The following PLEK2 variants were observed in gnomAD, a reference collection of about 807,000 sequenced individuals.
PLEK2 encodes pleckstrin 2, also known as pleckstrin-2.
Under a neutral mutation model 43.8 loss-of-function variants are expected in PLEK2, and 29 were observed. That is an observed-to-expected ratio of 0.66 (90% CI 0.49 to 0.90). The LOEUF is 0.90. Among genes scored for constraint, PLEK2 ranks in the 40% least tolerant of loss-of-function variants. The probability of loss-of-function intolerance (pLI) is 0.00; values close to 1 mark genes in which losing one functional copy is unlikely to be tolerated. For missense variants in PLEK2, 398 were observed against 448.1 expected (o/e 0.89, Z 1.01); for synonymous variants, 162 against 173.2 (o/e 0.94, Z 0.51).
chr14:67,403,446 G>A (rs941384360), intron 1 of PLEK2, among the ~76,000 whole-genome samples: 3 of 152,162 alleles, frequency 2.0e-5, no homozygotes, highest in Non-Finnish European at 4.4e-5. Flanking sequence ...TAGTACTGTG[G>A]GTGTTTTTGT....
At chr14:67,407,145 G>A (rs923202813) in intron 1 of PLEK2, among the ~76,000 whole-genome samples, 11 of 151,618 alleles carry the variant, frequency 7.3e-5, no homozygotes, top group South Asian at 2.1e-4. Context: ...TTTTTGAGAC[G>A]GAGTCTTGCA....
At chr14:67,396,677 C>T (rs1393520417) in intron 2 of PLEK2, among the ~76,000 whole-genome samples, 1 of 152,244 alleles carries the variant, frequency 6.6e-6, no homozygotes, top group Non-Finnish European at 1.5e-5. Context: ...TCTCCTTGTT[C>T]CATCTTTGCC....
At chr14:67,388,108 C>T in intron 8 of PLEK2, 116 bp downstream of exon 8, 2 of 670,940 alleles carry the variant, frequency 3.0e-6, no homozygotes, top group Non-Finnish European at 5.4e-6. Flanking sequence ...ACCACTCTGT[C>T]TCATGGAGAA....
At chr14:67,399,340 AGAG>A (rs1566628360) in intron 1 of PLEK2, among the ~76,000 whole-genome samples, 1 of 150,836 alleles carries the variant, frequency 6.6e-6, no homozygotes, top group Non-Finnish European at 1.5e-5. Flanking sequence ...GCAGGAATAA[AGAG>A]AAGGGTAGTT....
intron 5 of PLEK2, 50 bp downstream of exon 5, chr14:67,392,612 C>A: frequency 6.5e-7 from 1 of 1,536,606 alleles, no homozygotes; most frequent in South Asian, 1.2e-5. Context: ...TCTGTTGTGT[C>A]TTCCTTAACT....
In PLEK2 at chr14:67,393,166, A is replaced by G; in HGVS notation, c.465T>C (p.Tyr155=). The G allele has an allele frequency of 6.2e-7, 1 of 1,613,086 alleles. No individual in the cohort carries two copies. The highest frequency in any genetic ancestry group is 2.2e-5 in the East Asian group (1 of 44,870). The part of the protein sequence containing the change: ...SSPNMEQGST[Y]KKTFLGSSLV... ...CAGGCTCACCGAGGAAGGTCTTTTT[A>G]TAGGTGCTTCCCTGCTCCATGTTGG... The change falls in exon 4 of 9, where the codon TAT becomes TAC. Residue 155 remains tyrosine, a synonymous_variant. Coordinates refer to ENST00000216446, the MANE Select transcript of PLEK2 (RefSeq NM_016445.3).
intron 1 of PLEK2, among the ~76,000 whole-genome samples, chr14:67,399,139 A>T (rs192015670): frequency 6.2e-4 from 94 of 152,308 alleles, no homozygotes; most frequent in South Asian, 1.7e-3. Flanking sequence ...AGTGCTAAGG[A>T]CTCTGACAGT....
chr14:67,394,357 C>T (rs2085991010), intron 3 of PLEK2, among the ~76,000 whole-genome samples: 2 of 152,006 alleles, frequency 1.3e-5, no homozygotes, highest in African/African-American at 4.8e-5. Context: ...GATCGAGCCA[C>T]TGCACTCCAG....
intron 1 of PLEK2, 114 bp downstream of exon 1, chr14:67,411,904 T>A: frequency 1.0e-6 from 1 of 963,042 alleles, no homozygotes; most frequent in Non-Finnish European, 1.5e-6. Flanking sequence ...CCATGGGGGT[T>A]GGGGATGGGA....
intron 1 of PLEK2, among the ~76,000 whole-genome samples, chr14:67,398,856 CG>C (rs1367849551): frequency 1.3e-5 from 2 of 152,174 alleles, no homozygotes; most frequent in African/African-American, 4.8e-5. Context: ...CCACCATGCC[CG>C]GTCCCTGTTT....
intron 1 of PLEK2, among the ~76,000 whole-genome samples, chr14:67,402,260 A>G (rs1004610704): frequency 1.3e-5 from 2 of 152,194 alleles, no homozygotes; most frequent in Non-Finnish European, 2.9e-5. Context: ...GCATTGATGT[A>G]ATTTTTACTT....
chr14:67,391,569 C>G (rs181005521), intron 6 of PLEK2, among the ~76,000 whole-genome samples: 1 of 152,216 alleles, frequency 6.6e-6, no homozygotes, highest in African/African-American at 2.4e-5. Flanking sequence ...GCACATGCTC[C>G]GAGTAACGAT....
chr14:67,395,306 G>A (rs976799891), intron 3 of PLEK2, 96 bp downstream of exon 3: 3 of 1,056,300 alleles, frequency 2.8e-6, no homozygotes, highest in Middle Eastern at 3.1e-4. Flanking sequence ...GCCAGACTGT[G>A]CAGCAAGCAC....
intron 1 of PLEK2, among the ~76,000 whole-genome samples, chr14:67,408,088 A>G (rs1422885118): frequency 1.3e-5 from 2 of 152,068 alleles, no homozygotes; most frequent in Non-Finnish European, 2.9e-5. Context: ...GGAGTTCAAG[A>G]CCAGCCTGAC....
intron 7 of PLEK2, among the ~76,000 whole-genome samples, chr14:67,389,085 G>A (rs2085948429): frequency 6.6e-6 from 1 of 151,860 alleles, no homozygotes; most frequent in Non-Finnish European, 1.5e-5. Context: ...AACTGCGATT[G>A]GTGGTATCCC....
intron 2 of PLEK2, 108 bp downstream of exon 2, chr14:67,397,554 A>T: frequency 2.2e-6 from 2 of 927,192 alleles, no homozygotes; most frequent in Non-Finnish European, 3.1e-6. Context: ...CAAGTTTTTC[A>T]ATTCTAACTC....
chr14:67,396,457 G>A (rs1474435584), intron 2 of PLEK2, among the ~76,000 whole-genome samples: 3 of 151,636 alleles, frequency 2.0e-5, no homozygotes, highest in Admixed American at 2.0e-4. Flanking sequence ...CTCTAAGAGA[G>A]TTTTCATCAG....
chr14:67,391,269 A>ATGTGTG lies in PLEK2; in HGVS notation c.772-524_772-523insCACACA, dbSNP rs145218491. 3.5e-3 allele frequency among the ~76,000 whole-genome samples: 493 copies of ATGTGTG among 139,626 alleles called. 3 individuals carry two copies. The highest frequency in any genetic ancestry group is 9.4e-3 in the African/African-American group (321 of 34,108). The allele number at this position is 139,626 out of a possible 152,430, so 91.6% of individuals were successfully genotyped here. A position where few individuals can be genotyped will look rare whatever the true frequency, so the allele number is the denominator to read the frequency against. On this transcript the variant is annotated intron_variant, in intron 6 of 8. Transcript: ENST00000216446. ...TAAAATCTAAATGTGTAAGCAGCTG[A>ATGTGTG]TATGTGTGTGTGTGTGTGTGTGTGT... is the stretch of plus-strand genomic sequence containing the variant.
chr14:67,392,305 C>G, intron 6 of PLEK2, 21 bp downstream of exon 6: 1 of 1,452,926 alleles, frequency 6.9e-7, no homozygotes, highest in Non-Finnish European at 9.7e-7. Flanking sequence ...CATCTCTCTT[C>G]CCTGCTCATA....
Sources: allele counts gnomAD v4.1 joint callset (sites outside exome capture counted in the v4.1 genomes callset), GRCh38; gene constraint gnomAD v4.1.1; transcripts MANE v1.5; gene names NCBI Gene and HGNC (gene_info 2026-07-23, HGNC 2026-07-21).